AP1G1: variants seen among roughly 807,000 people sequenced by gnomAD.
AP1G1 encodes the protein adaptor related protein complex 1 subunit gamma 1, also known as AP-1 complex subunit gamma-1.
A neutral mutation model predicts 108.3 loss-of-function variants in AP1G1; 7 were observed. The ratio of observed to expected loss-of-function variants is 0.06; its 90% CI spans 0.04 to 0.12. The LOEUF (loss-of-function observed/expected upper bound fraction) is 0.12, where lower values mean the gene tolerates loss of function less well. AP1G1 is among the 10% of genes least tolerant of loss of function. The probability of loss-of-function intolerance (pLI) is 1.00; values close to 1 mark genes in which losing one functional copy is unlikely to be tolerated. For missense variants in AP1G1, 756 were observed against 1,010.7 expected, an observed-to-expected ratio of 0.75 and a Z score of 3.42; for synonymous variants, 379 against 353.5, an observed-to-expected ratio of 1.07 and a Z score of -0.81.
At chr16:71,768,192 TAAAAAAAAAAAAAA>T (rs10610445) in intron 6 of AP1G1, among the ~76,000 whole-genome samples, 1 of 99,828 alleles carries the variant, frequency 1.0e-5, no homozygotes, top group Non-Finnish European at 2.0e-5. Flanking sequence ...AATACTAGTT[TAAAAAAAAAAAAAA>T]AAAAAAAAAG....
At chr16:71,784,411 C>T (rs927421604) in intron 2 of AP1G1, among the ~76,000 whole-genome samples, 2 of 152,096 alleles carry the variant, frequency 1.3e-5, no homozygotes, top group African/African-American at 4.8e-5. Context: ...CCTTAGCTGT[C>T]GCACCAACAG....
intron 3 of AP1G1, 77 bp from the exon 4 acceptor site, chr16:71,773,439 G>A (rs776695807): frequency 7.3e-7 from 1 of 1,378,512 alleles, no homozygotes; most frequent in East Asian, 2.5e-5. Flanking sequence ...AACTAGTTCA[G>A]GATGACTCAA....
At chr16:71,799,577 G>A (rs1306107358) in intron 1 of AP1G1, among the ~76,000 whole-genome samples, 6 of 151,902 alleles carry the variant, frequency 3.9e-5, no homozygotes, top group Admixed American at 2.6e-4. Context: ...AGACCAGCCT[G>A]AGCAATACAG....
chr16:71,734,452 T>G (rs2045508272), intron 22 of AP1G1, 157 bp downstream of exon 22: 1 of 634,870 alleles, frequency 1.6e-6, no homozygotes, highest in African/African-American at 1.8e-5. Flanking sequence ...GGGTTCCATT[T>G]GTTATTTACA....
chr16:71,767,895 A>G, intron 6 of AP1G1: 3 of 1,599,356 alleles, frequency 1.9e-6, no homozygotes, highest in Non-Finnish European at 2.5e-6. Flanking sequence ...TCTAACATAC[A>G]GCAGGATTCC....
At chr16:71,763,857 A>C (rs1347713883) in intron 9 of AP1G1, among the ~76,000 whole-genome samples, 1 of 152,186 alleles carries the variant, frequency 6.6e-6, no homozygotes, top group Non-Finnish European at 1.5e-5. Context: ...TTTATAGAAG[A>C]ATTCCAATTA....
At chr16:71,750,770 G>C (rs754767936) in intron 13 of AP1G1, among the ~76,000 whole-genome samples, 8 of 151,750 alleles carry the variant, frequency 5.3e-5, no homozygotes, top group Non-Finnish European at 1.2e-4. Flanking sequence ...AGATAAATTT[G>C]GTTCCAATTC....
chr16:71,745,411 C>A, intron 18 of AP1G1, 62 bp downstream of exon 18: 1 of 1,611,422 alleles, frequency 6.2e-7, no homozygotes, highest in Non-Finnish European at 8.5e-7. Context: ...AGCTAAGAGA[C>A]AAGCTGTAAG....
At chr16:71,741,925 G>A (rs1041701665) in intron 19 of AP1G1, among the ~76,000 whole-genome samples, 2 of 152,176 alleles carry the variant, frequency 1.3e-5, no homozygotes, top group African/African-American at 4.8e-5. Flanking sequence ...TAGGAGAAGA[G>A]CAGAAACTTA....
At chr16:71,781,758 T>C (rs1031174076) in intron 2 of AP1G1, among the ~76,000 whole-genome samples, 2 of 152,254 alleles carry the variant, frequency 1.3e-5, no homozygotes, top group Non-Finnish European at 2.9e-5. Flanking sequence ...TTGTTTGCAA[T>C]GTTTTACCTA....
intron 15 of AP1G1, 98 bp downstream of exon 15, chr16:71,749,796 A>T: frequency 9.5e-7 from 1 of 1,050,338 alleles, no homozygotes; most frequent in Non-Finnish European, 1.5e-6. Context: ...TGGCCTAAAA[A>T]GTTTTCAAGG....
chr16:71,745,407 G>A, intron 18 of AP1G1, 66 bp downstream of exon 18: 2 of 1,611,088 alleles, frequency 1.2e-6, no homozygotes, highest in African/African-American at 2.7e-5. Context: ...ACTCAGCTAA[G>A]AGACAAGCTG....
chr16:71,751,490 C>G (rs1388662530), intron 13 of AP1G1, among the ~76,000 whole-genome samples: 2 of 149,756 alleles, frequency 1.3e-5, no homozygotes, highest in Non-Finnish European at 1.5e-5. Flanking sequence ...AAAAAAACAG[C>G]CAGGTGATCA....
intron 1 of AP1G1, among the ~76,000 whole-genome samples, chr16:71,797,016 T>TTACATATATATATATA (rs887745752): frequency 1.4e-5 from 2 of 145,792 alleles, no homozygotes; most frequent in African/African-American, 5.0e-5. Flanking sequence ...AAAAAAAAAA[T>TTACATATATATATATA]TATATATATA....
At chr16:71,753,570 C>G in intron 13 of AP1G1, 1 of 441,736 alleles carries the variant, frequency 2.3e-6, no homozygotes, top group South Asian at 2.3e-5. Context: ...GGTCTCTACT[C>G]AAATGTTATC....
chr16:71,741,353 C>T (rs1280724576), intron 19 of AP1G1, among the ~76,000 whole-genome samples: 2 of 152,074 alleles, frequency 1.3e-5, no homozygotes, highest in African/African-American at 4.8e-5. Flanking sequence ...GAGGTCGAGG[C>T]GGGTGGATCA....
intron 1 of AP1G1, among the ~76,000 whole-genome samples, chr16:71,799,963 G>A (rs1567665396): frequency 6.6e-6 from 1 of 151,628 alleles, no homozygotes; most frequent in African/African-American, 2.4e-5. Flanking sequence ...GCTCACGCCT[G>A]TAACCCCAGC....
chr16:71,783,539 A>T (rs558765197), intron 2 of AP1G1, among the ~76,000 whole-genome samples: 13 of 152,044 alleles, frequency 8.6e-5, no homozygotes, highest in South Asian at 2.1e-4. Context: ...TTTAAAGGAA[A>T]TTTTTTTTTA....
At chr16:71,762,159 C>T (rs576077560) in intron 9 of AP1G1, among the ~76,000 whole-genome samples, 2 of 152,108 alleles carry the variant, frequency 1.3e-5, no homozygotes, top group Admixed American at 6.5e-5. Flanking sequence ...CACACCCATG[C>T]AATATGGAAT....
Sources: allele counts gnomAD v4.1 joint callset (sites outside exome capture counted in the v4.1 genomes callset), GRCh38; gene constraint gnomAD v4.1.1; transcripts MANE v1.5; gene names NCBI Gene and HGNC (gene_info 2026-07-23, HGNC 2026-07-21).